MAP3K14: variants seen among roughly 807,000 people sequenced by gnomAD.
MAP3K14 encodes the protein NF-kappa-beta-inducing kinase.
A neutral mutation model predicts 99.2 loss-of-function variants in MAP3K14; 16 were observed. The observed-to-expected ratio is 0.16, with a 90% CI of 0.11 to 0.24. The LOEUF (loss-of-function observed/expected upper bound fraction) is 0.24, where lower values mean the gene tolerates loss of function less well. MAP3K14 is among the 10% of genes least tolerant of loss of function. The probability of loss-of-function intolerance (pLI) is 1.00; values close to 1 mark genes in which losing one functional copy is unlikely to be tolerated. For synonymous variants in MAP3K14, 462 were observed against 492.4 expected, an observed-to-expected ratio of 0.94 and a Z score of 0.82; for missense variants, 784 against 1,208.7, an observed-to-expected ratio of 0.65 and a Z score of 5.21.
Position 45,266,668 on chromosome 17 carries a change from G to T in MAP3K14, c.2447C>A (p.Ala816Asp). The change falls in exon 14 of 16, where the codon GCC (alanine) becomes GAC (aspartate). Residue 816 changes from alanine (A) to aspartate (D), a missense_variant. Physicochemically the swap from Ala to Asp is moderately radical, Grantham distance 126. Around this residue, in one of 5 missense-constraint regions of MAP3K14, gnomAD observed 130 missense variants for 220.4 expected, o/e 0.59. Coordinates refer to ENST00000344686, the MANE Select transcript of MAP3K14 (RefSeq NM_003954.5). ...CAGGGTGTCCCGCGAGCTTTGAGAGGCCTTTGATGGGTTCTGAAACAACAG... is the reference window on the plus strand; with the variant it reads ...CAGGGTGTCCCGCGAGCTTTGAGAGTCCTTTGATGGGTTCTGAAACAACAG... ...SDDSEKNPSK[A>D]SQSSRDTLSS... 1 of 1,610,920 alleles carries T rather than the reference G, an allele frequency of 6.2e-7. No individual in the cohort carries two copies. Among genetic ancestry groups the T allele is most frequent in the Non-Finnish European group, 8.5e-7 (1 of 1,177,644 alleles).
chr17:45,276,528 T>C (rs1567990812), intron 6 of MAP3K14, among the ~76,000 whole-genome samples: 1 of 152,122 alleles, frequency 6.6e-6, no homozygotes, highest in Non-Finnish European at 1.5e-5. Context: ...TTTTTTTTTT[T>C]TGAGACAGAG....
At chr17:45,271,022 C>T (rs1380564701) in intron 10 of MAP3K14, 36 bp downstream of exon 10, 1 of 1,601,072 alleles carries the variant, frequency 6.2e-7, no homozygotes, top group Admixed American at 1.7e-5. Context: ...GGCCCTGCAG[C>T]TCCCCCTGTT....
At position 45,286,999 on chromosome 17, in the gene MAP3K14, T is replaced by C. The variant is rs749612705; in HGVS notation, c.584A>G (p.Gln195Arg). The C allele has an allele frequency of 6.2e-7, 1 of 1,613,904 alleles. No homozygotes were observed. Among genetic ancestry groups the C allele is most frequent in the Non-Finnish European group, 8.5e-7 (1 of 1,179,792 alleles). Residue 195 changes from glutamine to arginine, a missense_variant, in exon 5 of 16, where the codon CAG becomes CGG. Gln to Arg is a conservative substitution (Grantham distance 43). Around this residue, in one of 5 missense-constraint regions of MAP3K14, gnomAD observed 188 missense variants for 313.0 expected, o/e 0.60. Transcript: ENST00000344686. This position sits in a 1 kb window ranked among gnomAD's most constrained non-coding sequence, Gnocchi z 4.1. ...TGGTTCCTTCAGAGGCTTGGTGAAC[T>C]GCGGGGTGTTTCTAACATATGGGGC... ...LGAPYVRNTP[Q>R]FTKPLKEPGL...
intron 6 of MAP3K14, among the ~76,000 whole-genome samples, chr17:45,275,521 CAAAAAAACAAAA>C (rs2044173146): frequency 6.7e-6 from 1 of 150,344 alleles, no homozygotes; most frequent in Non-Finnish European, 1.5e-5. Flanking sequence ...AAAAAACAAA[CAAAAAAACAAAA>C]AACCCCCTAC....
rs1270749107 is a variant in MAP3K14 at position 45,273,593 on chromosome 17, G to A, written c.1567C>T (p.Leu523=). ...HGDVKADNVL[L]SSDGSHAALC... is the part of the protein sequence containing the mutation. ...GCTGCGTGGCTCCCATCGCTGGACA[G>A]GAGCACGTTGTCAGCTGCCAGGCCG... Residue 523 remains leucine (L), a synonymous_variant, in exon 9 of 16, where the codon CTG becomes TTG. Transcript: ENST00000344686. 2.5e-6 allele frequency: 4 copies of A among 1,612,682 alleles called. No homozygotes were observed. Among genetic ancestry groups the A allele is most frequent in the South Asian group, 1.1e-5 (1 of 90,804 alleles).
chr17:45,306,321 T>C (rs554807788), intron 1 of MAP3K14, among the ~76,000 whole-genome samples: 47 of 146,902 alleles, frequency 3.2e-4, no homozygotes, highest in African/African-American at 1.2e-3. Flanking sequence ...TACTCCCAAA[T>C]GATCTAAGCT....
chr17:45,289,350 A>T (rs1405599167), intron 2 of MAP3K14, 45 bp from the exon 3 acceptor site: 1 of 1,501,946 alleles, frequency 6.7e-7, no homozygotes, highest in East Asian at 2.3e-5. Flanking sequence ...AAAAAATAGG[A>T]ATTTAGCACT....
chr17:45,288,127 G>A (rs2044282068), intron 3 of MAP3K14, among the ~76,000 whole-genome samples: 1 of 152,204 alleles, frequency 6.6e-6, no homozygotes. Context: ...GCAGACTCAT[G>A]GCAGTCCTGG....
chr17:45,287,321 C>T lies in MAP3K14; in HGVS notation c.370G>A (p.Ala124Thr). The T allele has an allele frequency of 1.9e-6, 3 of 1,614,038 alleles. No individual in the cohort carries two copies. The highest frequency in any genetic ancestry group is 2.5e-6 in the Non-Finnish European group (3 of 1,179,890). ...ACACGGGCCATTTTGCCCTCTGTAG[C>T]ATGGGCCACATTGTTGGGGATCTGA... The part of the protein sequence containing the change: ...LDQIPNNVAH[A>T]TEGKMARVCW... Residue 124 changes from alanine to threonine, a missense_variant, in exon 4 of 16, where the codon GCT becomes ACT. By Grantham distance (58) the Ala-to-Thr change is moderately conservative. Transcript: ENST00000344686.
Position 45,284,796 on chromosome 17 carries a change from C to T in MAP3K14, c.1290+16G>A. ...CCTGGCTTCCCTCTTCACTCAGCCC[C>T]TGAGCCCTGGCGTACCTTTTTGACA... On this transcript the variant is annotated intron_variant, in intron 6 of 15. Coordinates refer to ENST00000344686, the MANE Select transcript of MAP3K14 (RefSeq NM_003954.5). 1 of 1,585,056 alleles carries T rather than the reference C, an allele frequency of 6.3e-7. No individual in the cohort carries two copies. The highest frequency in any genetic ancestry group is 8.6e-7 in the Non-Finnish European group (1 of 1,165,984).
chr17:45,291,701 T>C (rs1477636506), intron 1 of MAP3K14, among the ~76,000 whole-genome samples: 1 of 152,252 alleles, frequency 6.6e-6, no homozygotes. Flanking sequence ...TGTTACCATT[T>C]GGAAACCTTT....
Position 45,267,700 on chromosome 17 carries a change from T to C in MAP3K14, c.2032A>G (p.Asn678Asp). 6.2e-7 allele frequency: 1 copy of C among 1,613,834 alleles called. No homozygotes were observed. The highest frequency in any genetic ancestry group is 8.5e-7 in the Non-Finnish European group (1 of 1,179,852). ...AGGGTCTGGTGGTAATTGGCTTGAT[T>C]TGGCGGTGGATGTCTTGGTTCTTTA... ...EYKEPRHPPPNQANYHQTLHA... is the reference protein window; with the variant it reads ...EYKEPRHPPPDQANYHQTLHA... The change falls in exon 12 of 16, where the codon AAT (asparagine) becomes GAT (aspartate). Residue 678 changes from asparagine to aspartate, a missense_variant. Physicochemically the swap from Asn to Asp is conservative, Grantham distance 23. This residue lies in a region of MAP3K14 where 128 missense variants were observed against 143.3 expected (regional missense o/e 0.89). Coordinates refer to ENST00000344686, the MANE Select transcript of MAP3K14 (RefSeq NM_003954.5). The surrounding 1 kb of genome is among the most constrained non-coding windows in gnomAD (Gnocchi z 5.1).
In MAP3K14 at chr17:45,307,295, A is replaced by T. The variant is rs1222265770; in HGVS notation, c.-21+9665T>A. On this transcript the variant is annotated intron_variant, in intron 1 of 15. Transcript: ENST00000344686. The stretch of plus-strand genomic sequence containing the variant: ...AAAAAAATTAATTAATTAATTAATT[A>T]AAAAAATTTCAAGTGTCATCGAAAT... Among the ~76,000 whole-genome samples, 4 of 152,186 alleles carry T rather than the reference A, an allele frequency of 2.6e-5. No individual in the cohort carries two copies. The South Asian group carries it at 6.2e-4, about 24-fold the overall frequency.
At chr17:45,266,152 G>A (rs1189658269) in intron 14 of MAP3K14, 2 of 174,084 alleles carry the variant, frequency 1.1e-5, no homozygotes, top group Non-Finnish European at 2.4e-5. Flanking sequence ...TCAAATCCCA[G>A]AGGGGGATTC....
chr17:45,279,473 C>T (rs928219533), intron 6 of MAP3K14, among the ~76,000 whole-genome samples: 5 of 150,550 alleles, frequency 3.3e-5, no homozygotes, highest in African/African-American at 1.2e-4. Flanking sequence ...CATTCTGTCG[C>T]CCAGGCTGGA....
chr17:45,268,137 C>A, intron 11 of MAP3K14: 1 of 217,116 alleles, frequency 4.6e-6, no homozygotes, highest in Non-Finnish European at 9.0e-6. Flanking sequence ...CATCCTGGAC[C>A]CACCATCTCT....
intron 10 of MAP3K14, chr17:45,270,779 C>T: frequency 1.3e-6 from 1 of 787,110 alleles, no homozygotes; most frequent in Non-Finnish European, 2.0e-6. Flanking sequence ...GCAAGACGCC[C>T]ACAGCCTCCA....
chr17:45,315,007 T>C (rs1000436766), intron 1 of MAP3K14, among the ~76,000 whole-genome samples: 2 of 144,282 alleles, frequency 1.4e-5, no homozygotes, highest in African/African-American at 5.5e-5. Context: ...TGAACTGTTA[T>C]CAATCACCAA....
At chr17:45,314,674 C>T (rs1030145305) in intron 1 of MAP3K14, among the ~76,000 whole-genome samples, 3 of 151,890 alleles carry the variant, frequency 2.0e-5, no homozygotes, top group African/African-American at 4.8e-5. Context: ...AGTACGCTGC[C>T]TTTATGCGTA....
Sources: allele counts gnomAD v4.1 joint callset (sites outside exome capture counted in the v4.1 genomes callset), GRCh38; gene constraint gnomAD v4.1.1; regional missense constraint gnomAD v4.1.1; non-coding constraint Gnocchi (gnomAD v3.1); transcripts MANE v1.5; gene names NCBI Gene and HGNC (gene_info 2026-07-23, HGNC 2026-07-21).